BLTP3B: variants seen among roughly 807,000 people sequenced by gnomAD.
BLTP3B encodes the protein UHRF1 (ICBP90) binding protein 1-like.
chr12:100,098,756 A>T, the BLTP3B span, among the ~76,000 whole-genome samples: 1 of 151,572 alleles, frequency 6.6e-6, no homozygotes. Context: ...AAAAACACAA[A>T]AAATTAGCCA....
the BLTP3B span, among the ~76,000 whole-genome samples, chr12:100,130,963 G>T: frequency 0.13 from 14,162 of 107,138 alleles, 818 homozygotes; most frequent in East Asian, 0.24. Flanking sequence ...TATATATATA[G>T]AGAGAGAGAG....
At chr12:100,095,892 A>T in the BLTP3B span, 1 of 1,392,712 alleles carries the variant, frequency 7.2e-7, no homozygotes, top group Non-Finnish European at 9.6e-7. Flanking sequence ...ACCTTATAAT[A>T]CGCTTGTATT....
chr12:100,098,632 T>C, the BLTP3B span: 7 of 1,377,252 alleles, frequency 5.1e-6, no homozygotes, highest in Admixed American at 2.3e-5. Flanking sequence ...TTGGGGATGG[T>C]GGCTCATACC....
chr12:100,136,378 T>C, the BLTP3B span, among the ~76,000 whole-genome samples: 26 of 152,274 alleles, frequency 1.7e-4, no homozygotes, highest in East Asian at 3.7e-3. Flanking sequence ...GCCAGACAAG[T>C]AGTCCAATTT....
chr12:100,118,859 G>A, the BLTP3B span, among the ~76,000 whole-genome samples: 1 of 152,160 alleles, frequency 6.6e-6, no homozygotes, highest in Non-Finnish European at 1.5e-5. Context: ...CTCCAGCACT[G>A]TGGGAGGCCA....
the BLTP3B span, among the ~76,000 whole-genome samples, chr12:100,106,380 T>A: frequency 0.28 from 42,976 of 151,776 alleles, 8,902 homozygotes; most frequent in African/African-American, 0.59. Flanking sequence ...CTATGAGTGG[T>A]TACAGAAAAT....
chr12:100,141,495 C>T, the BLTP3B span, among the ~76,000 whole-genome samples: 1 of 151,910 alleles, frequency 6.6e-6, no homozygotes, highest in Non-Finnish European at 1.5e-5. Flanking sequence ...AAGAAAAGTG[C>T]TATATCTTAT....
the BLTP3B span, among the ~76,000 whole-genome samples, chr12:100,104,204 C>CTTTTTTT: frequency 1.5e-5 from 2 of 131,652 alleles, no homozygotes; most frequent in African/African-American, 2.8e-5. Context: ...TTCTTTTTTT[C>CTTTTTTT]TTTTTTTTTT....
chr12:100,052,856 C>T, the BLTP3B span, among the ~76,000 whole-genome samples: 3 of 140,166 alleles, frequency 2.1e-5, no homozygotes, highest in African/African-American at 2.8e-5. Context: ...TGCAGTGGTG[C>T]GATCTCTGCT....
At chr12:100,120,792 TAA>T in the BLTP3B span, among the ~76,000 whole-genome samples, 10 of 148,550 alleles carry the variant, frequency 6.7e-5, no homozygotes, top group African/African-American at 2.3e-4. Context: ...TACAATTATG[TAA>T]GAGAGAGAGA....
chr12:100,124,949 TATATATATA>T, the BLTP3B span, among the ~76,000 whole-genome samples: 1 of 51,950 alleles, frequency 1.9e-5, no homozygotes, highest in Non-Finnish European at 4.0e-5. Flanking sequence ...TATATATATA[TATATATATA>T]TATATATATA....
the BLTP3B span, among the ~76,000 whole-genome samples, chr12:100,080,074 C>A: frequency 6.6e-6 from 1 of 152,172 alleles, no homozygotes; most frequent in African/African-American, 2.4e-5. Context: ...AGGGGTGGGG[C>A]CCTCATGGAG....
At chr12:100,037,677 C>CT in the BLTP3B span, 1 of 1,610,670 alleles carries the variant, frequency 6.2e-7, no homozygotes, top group Admixed American at 1.7e-5. Flanking sequence ...AGAAGAGCAT[C>CT]TTTTTCCAAG....
the BLTP3B span, among the ~76,000 whole-genome samples, chr12:100,071,589 T>C: frequency 6.6e-6 from 1 of 152,202 alleles, no homozygotes; most frequent in South Asian, 2.1e-4. Context: ...TACAATCATT[T>C]TAATGTTAGG....
At chr12:100,103,557 G>T in the BLTP3B span, among the ~76,000 whole-genome samples, 2 of 151,904 alleles carry the variant, frequency 1.3e-5, no homozygotes, top group Admixed American at 1.3e-4. Context: ...GTATATTAAA[G>T]AACATATTTC....
chr12:100,112,516 A>G, the BLTP3B span, among the ~76,000 whole-genome samples: 1 of 151,908 alleles, frequency 6.6e-6, no homozygotes, highest in Admixed American at 6.6e-5. Flanking sequence ...GACAAAACAA[A>G]AAACAAAAAT....
At chr12:100,073,668 G>A in the BLTP3B span, among the ~76,000 whole-genome samples, 2 of 151,910 alleles carry the variant, frequency 1.3e-5, no homozygotes, top group African/African-American at 2.4e-5. Flanking sequence ...AAACACTTCC[G>A]TCAAATAGTT....
At chr12:100,071,500 A>G in the BLTP3B span, among the ~76,000 whole-genome samples, 2 of 142,598 alleles carry the variant, frequency 1.4e-5, no homozygotes, top group African/African-American at 5.1e-5. Context: ...ATGTCTCCAA[A>G]AAAAAAAAAA....
the BLTP3B span, among the ~76,000 whole-genome samples, chr12:100,119,089 C>G: frequency 1.1e-4 from 17 of 151,830 alleles, no homozygotes; most frequent in Non-Finnish European, 2.4e-4. Context: ...GCGACAGAGC[C>G]AGACTCTGTC....
Sources: allele counts gnomAD v4.1 joint callset (sites outside exome capture counted in the v4.1 genomes callset), GRCh38; gene constraint gnomAD v4.1.1; transcripts MANE v1.5; gene names NCBI Gene and HGNC (gene_info 2026-07-23, HGNC 2026-07-21).